CMC2: variants seen among roughly 807,000 people sequenced by gnomAD.
CMC2 encodes COX assembly mitochondrial protein 2 homolog.
Under a neutral mutation model 7.5 loss-of-function variants are expected in CMC2, and 5 were observed. That is an observed-to-expected ratio of 0.66 (90% CI 0.35 to 1.40). The LOEUF is 1.40. Among genes scored for constraint, CMC2 ranks in the 40% most tolerant of loss-of-function variants. CMC2 has a pLI of 0.04. For synonymous variants in CMC2, 37 were observed against 31.4 expected (o/e 1.18, Z -0.60); for missense variants, 115 against 92.3 (o/e 1.25, Z -1.01).
Position 80,968,535 on chromosome 16 carries a change from C to G in CMC2, c.*7558G>C, listed in dbSNP as rs1037050284. ...CCCTCCCCAACTCCCATCCTCCCCCCATCTTCTAGGAATGAGTTAGTTCTC... is the reference window on the plus strand; with the variant it reads ...CCCTCCCCAACTCCCATCCTCCCCCGATCTTCTAGGAATGAGTTAGTTCTC... On this transcript the variant is annotated 3_prime_UTR_variant, in exon 4 of 4. Coordinates refer to ENST00000219400, the MANE Select transcript of CMC2 (RefSeq NM_020188.5). The G allele has an allele frequency of 2.4e-4, 36 of 152,228 alleles. No homozygotes were observed. The highest frequency in any genetic ancestry group is 8.7e-4 in the African/African-American group (36 of 41,446). The allele number at this position is 152,228 out of a possible 1,614,324, so 9.4% of individuals were successfully genotyped here.
chr16:81,003,532 C>T (rs191627011), intron 1 of CMC2, among the ~76,000 whole-genome samples: 68 of 152,298 alleles, frequency 4.5e-4, no homozygotes, highest in African/African-American at 1.6e-3. Context: ...CCAGGTCACA[C>T]AGTAGTTAGC....
chr16:80,991,767 A>T (rs2244452), intron 2 of CMC2: 233,792 of 330,146 alleles, frequency 0.71, 85,356 homozygotes, highest in South Asian at 0.8. Context: ...TGTGGTCTTC[A>T]TCCGAAAACA....
chr16:80,979,238 C>T (rs1296244031), intron 3 of CMC2, among the ~76,000 whole-genome samples: 2 of 152,084 alleles, frequency 1.3e-5, no homozygotes, highest in African/African-American at 2.4e-5. Context: ...GACAGAAAAA[C>T]ATCTACAAAT....
Position 80,976,053 on chromosome 16 carries a change from T to C in CMC2, c.*40A>G, listed in dbSNP as rs376834541. 32 of 1,143,496 alleles carry C rather than the reference T, an allele frequency of 2.8e-5. No individual in the cohort carries two copies. In the Middle Eastern group the frequency reaches 5.9e-4, roughly 21 times the overall value. 70.8% of individuals were successfully genotyped at this position (1,143,496 alleles called of 1,614,324 possible). A position where few individuals can be genotyped will look rare whatever the true frequency, so the allele number is the denominator to read the frequency against. Reference sequence around the variant, plus strand: ...CTTTCAGGTATCAACCCAGAGTCTTTAGGTCTTCTCTCAGCCAAGGCATCG... The same window carrying C: ...CTTTCAGGTATCAACCCAGAGTCTTCAGGTCTTCTCTCAGCCAAGGCATCG... On this transcript the variant is annotated 3_prime_UTR_variant, in exon 4 of 4. Transcript: ENST00000219400.
chr16:80,988,576 T>A (rs977493382), intron 2 of CMC2: 2 of 697,490 alleles, frequency 2.9e-6, no homozygotes, highest in East Asian at 5.4e-5. Flanking sequence ...CCGAGTAAGT[T>A]GCAGATATGA....
chr16:81,001,904 TAAGTA>T (rs1486813271), intron 1 of CMC2, among the ~76,000 whole-genome samples: 10 of 152,152 alleles, frequency 6.6e-5, no homozygotes, highest in African/African-American at 2.4e-4. Context: ...TGCACCTAGT[TAAGTA>T]TTCATTTGAA....
rs116465996 is a variant in CMC2 at position 80,985,218 on chromosome 16, A to T, written c.82-3341T>A. 2.5e-3 allele frequency among the ~76,000 whole-genome samples: 386 copies of T among 152,326 alleles called. 3 individuals carry two copies. Among genetic ancestry groups the T allele is most frequent in the African/African-American group, 8.5e-3 (355 of 41,574 alleles). On this transcript the variant is annotated intron_variant, in intron 2 of 3. Coordinates refer to ENST00000219400, the MANE Select transcript of CMC2 (RefSeq NM_020188.5). ...ACCGAGGGGTTCCTGAGACCTTTTC[A>T]GGGAAGGTACAAGGTCAAAACTATC...
At chr16:80,997,266 A>G (rs1287566893) in intron 2 of CMC2, 48 bp downstream of exon 2, 1 of 1,018,070 alleles carries the variant, frequency 9.8e-7, no homozygotes, top group Non-Finnish European at 1.6e-6. Flanking sequence ...TCAGTGGGTT[A>G]TAACTAAGTT....
At chr16:80,993,560 C>G (rs906370128) in intron 2 of CMC2, among the ~76,000 whole-genome samples, 1 of 152,162 alleles carries the variant, frequency 6.6e-6, no homozygotes, top group African/African-American at 2.4e-5. Flanking sequence ...ACAATTACAG[C>G]AGCTACAAGC....
At chr16:81,002,023 T>A (rs1012189524) in intron 1 of CMC2, among the ~76,000 whole-genome samples, 1 of 152,242 alleles carries the variant, frequency 6.6e-6, no homozygotes, top group African/African-American at 2.4e-5. Flanking sequence ...TTAAGTTTCA[T>A]ACAGTTCAGC....
At chr16:80,994,963 T>C (rs1434081662) in intron 2 of CMC2, among the ~76,000 whole-genome samples, 2 of 151,960 alleles carry the variant, frequency 1.3e-5, no homozygotes, top group East Asian at 1.9e-4. Context: ...CTGACCAACA[T>C]AATGAAACCC....
rs1030813080 is a variant in CMC2, at chr16:80,971,438, C to T, written c.*4655G>A. ...AATAAACAAGAACCTCATTTATCAA[C>T]ATAGTATTTTTTTTTTAAAAAAAAA... On this transcript the variant is annotated 3_prime_UTR_variant, in exon 4 of 4. Coordinates refer to ENST00000219400, the MANE Select transcript of CMC2 (RefSeq NM_020188.5). 7 of 148,190 alleles carry T rather than the reference C, an allele frequency of 4.7e-5. No individual in the cohort carries two copies. Among genetic ancestry groups the T allele is most frequent in the African/African-American group, 1.8e-4 (7 of 38,934 alleles). 9.2% of individuals were successfully genotyped at this position (148,190 alleles called of 1,614,324 possible). A position where few individuals can be genotyped will look rare whatever the true frequency, so the allele number is the denominator to read the frequency against.
Position 80,968,386 on chromosome 16 carries a change from T to C in CMC2, c.*7707A>G, listed in dbSNP as rs1911698335. 6.6e-6 allele frequency: 1 copy of C among 152,224 alleles called. No homozygotes were observed. The highest frequency in any genetic ancestry group is 1.5e-5 in the Non-Finnish European group (1 of 68,064). The allele number at this position is 152,224 out of a possible 1,614,324, so 9.4% of individuals were successfully genotyped here. Reference sequence around the variant, plus strand: ...CCACACGGCTGAGATTCTGCGTTGCTAACAAACTTTCCCGGGTTACGCTAA... The same window carrying C: ...CCACACGGCTGAGATTCTGCGTTGCCAACAAACTTTCCCGGGTTACGCTAA... On this transcript the variant is annotated 3_prime_UTR_variant, in exon 4 of 4. Transcript: ENST00000219400.
At chr16:80,978,382 G>A (rs1276785878) in intron 3 of CMC2, 1 of 1,271,016 alleles carries the variant, frequency 7.9e-7, no homozygotes, top group Non-Finnish European at 1.0e-6. Context: ...ATTAAAATAT[G>A]CTAAGACATC....
intron 2 of CMC2, among the ~76,000 whole-genome samples, chr16:80,991,418 TG>T (rs1314301351): frequency 3.3e-5 from 5 of 152,178 alleles, no homozygotes; most frequent in Non-Finnish European, 2.9e-5. Context: ...ACAGATTGCT[TG>T]AGCCCAGGAG....
At chr16:80,979,920 C>A (rs1387602000) in intron 3 of CMC2, among the ~76,000 whole-genome samples, 1 of 151,868 alleles carries the variant, frequency 6.6e-6, no homozygotes, top group East Asian at 1.9e-4. Flanking sequence ...CCACACCCGG[C>A]CAATATTATT....
chr16:80,979,639 G>T (rs1966966087), intron 3 of CMC2, among the ~76,000 whole-genome samples: 2 of 151,272 alleles, frequency 1.3e-5, no homozygotes, highest in Admixed American at 1.3e-4. Flanking sequence ...TTTATTTAGA[G>T]ACAGAGTCTC....
chr16:81,006,654 G>A (rs1382189446), intron 1 of CMC2, 80 bp downstream of exon 1: 11 of 958,342 alleles, frequency 1.1e-5, no homozygotes, highest in Non-Finnish European at 1.2e-5. Context: ...GGCAGGAAGG[G>A]GCTCGGCGGG....
intron 3 of CMC2, chr16:80,980,740 A>G (rs1394812556): frequency 9.0e-6 from 6 of 665,256 alleles, no homozygotes; most frequent in African/African-American, 1.8e-5. Context: ...AAAAATGTGT[A>G]AAACCTTAAC....
Sources: gnomAD v4.1 joint callset for allele counts (sites outside exome capture counted in the v4.1 genomes callset) on GRCh38, gnomAD v4.1.1 for gene constraint, MANE v1.5 for transcripts, NCBI Gene and HGNC (gene_info 2026-07-23, HGNC 2026-07-21) for gene names.